The following PDE4DIP variants were observed in gnomAD, a reference collection of about 807,000 sequenced individuals.
PDE4DIP encodes the protein myomegalin.
Under a neutral mutation model 221.4 loss-of-function variants are expected in PDE4DIP, and 59 were observed. The observed-to-expected ratio is 0.27, with a 90% CI of 0.22 to 0.33. The LOEUF is 0.33. Ranked by LOEUF, PDE4DIP falls within the 10% of genes least tolerant of loss-of-function variation. The probability of loss-of-function intolerance (pLI) is 1.00; values close to 1 mark genes in which losing one functional copy is unlikely to be tolerated. For synonymous variants in PDE4DIP, 404 were observed against 815.9 expected, an observed-to-expected ratio of 0.50 and a Z score of 8.60; for missense variants, 1,036 against 2,154.2, an observed-to-expected ratio of 0.48 and a Z score of 10.28.
rs782733465 is a variant in PDE4DIP, at chr1:149,028,611, C to A, written c.6721C>A (p.His2241Asn). The A allele has an allele frequency of 2.5e-6, 4 of 1,609,378 alleles. No individual in the cohort carries two copies. In the South Asian group the frequency reaches 4.4e-5, roughly 18 times the overall value. The stretch of plus-strand genomic sequence containing the variant: ...GCTTCGGAGCAGCACCAGTGCCCTG[C>A]ACCATGCCCTAGAGGAGTCAGCTTC... The change falls in exon 41 of 44, where the codon CAC becomes AAC. Residue 2241 changes from histidine (H) to asparagine (N), a missense_variant. His to Asn is a moderately conservative substitution (Grantham distance 68). Coordinates refer to ENST00000369354, the Ensembl canonical transcript of PDE4DIP.
intron 5 of PDE4DIP, chr1:148,938,307 G>A (rs1317492230): frequency 8.2e-5 from 13 of 157,882 alleles, no homozygotes; most frequent in South Asian, 1.9e-4. Flanking sequence ...ATCCCTTTTC[G>A]TTAACTTAAA....
chr1:149,029,208 A>T (rs2076016677), intron 41 of PDE4DIP, among the ~76,000 whole-genome samples: 1 of 152,154 alleles, frequency 6.6e-6, no homozygotes, highest in African/African-American at 2.4e-5. Flanking sequence ...ACCCCTCAGG[A>T]TCTGCTCAGA....
chr1:149,017,907 C>T (rs1553613587), intron 34 of PDE4DIP, 28 bp downstream of exon 37: 9 of 1,559,472 alleles, frequency 5.8e-6, no homozygotes, highest in Non-Finnish European at 7.0e-6. Context: ...CTTCCTGTTT[C>T]TGGCTCTATT....
At chr1:149,032,398 G>C (rs1291939013) in exon 44 of PDE4DIP, 6 of 468,558 alleles carry the variant, frequency 1.3e-5, no homozygotes, top group Non-Finnish European at 2.4e-5. Flanking sequence ...AGGGGCACGT[G>C]GTCCCAATGC....
At chr1:148,924,305 C>T (rs2046198598) in intron 1 of PDE4DIP, among the ~76,000 whole-genome samples, 1 of 152,092 alleles carries the variant, frequency 6.6e-6, no homozygotes, top group South Asian at 2.1e-4. Context: ...TTTGGGAAAT[C>T]CAGTTAGGCT....
At chr1:149,028,812 G>T (rs1416827841) in intron 41 of PDE4DIP, 109 bp downstream of exon 44, 20 of 664,992 alleles carry the variant, frequency 3.0e-5, no homozygotes, top group Non-Finnish European at 2.9e-5. Context: ...GCCACATAGT[G>T]AGTTGGGATA....
At chr1:148,929,475 G>C in intron 2 of PDE4DIP, 1 of 675,622 alleles carries the variant, frequency 1.5e-6, no homozygotes, top group Non-Finnish European at 2.4e-6. Flanking sequence ...CTTGTCATAA[G>C]TTGGTAAATC....
chr1:148,973,278 A>C (rs1196005156), intron 16 of PDE4DIP, among the ~76,000 whole-genome samples: 3 of 151,880 alleles, frequency 2.0e-5, no homozygotes, highest in South Asian at 2.1e-4. Flanking sequence ...TACAGGCGCC[A>C]GCCACCACAC....
rs1221853104 is a variant in PDE4DIP at position 148,952,499 on chromosome 1, T to G, written c.637-8155T>G. ...CGGGAGAGACAGCTGGGGAGAGACA[T>G]GGCAGGGTCGGAGCGCGGCCTGCGC... On this transcript the variant is annotated intron_variant, in intron 5 of 43. Transcript: ENST00000369354. 2.0e-4 allele frequency: 234 copies of G among 1,153,766 alleles called. No homozygotes were observed. The Middle Eastern group carries it at 3.5e-3, about 17-fold the overall frequency. The allele number at this position is 1,153,766 out of a possible 1,614,324, so 71.5% of individuals were successfully genotyped here.
intron 1 of PDE4DIP, among the ~76,000 whole-genome samples, chr1:148,927,131 G>A (rs1314537696): frequency 6.6e-6 from 1 of 151,112 alleles, no homozygotes; most frequent in Non-Finnish European, 1.5e-5. Context: ...TTAAATTGAA[G>A]TAGATATCTT....
At chr1:148,993,282 C>CT in intron 22 of PDE4DIP, 1 of 70,762 alleles carries the variant, frequency 1.4e-5, no homozygotes, top group Non-Finnish European at 2.6e-5. Context: ...AATGTCTACT[C>CT]TAAGACAGCT....
intron 27 of PDE4DIP, among the ~76,000 whole-genome samples, chr1:149,006,128 G>T (rs1476424390): frequency 6.6e-6 from 1 of 150,534 alleles, no homozygotes; most frequent in Non-Finnish European, 1.5e-5. Flanking sequence ...GCAAGAGTCT[G>T]TCTCGGAAAA....
intron 1 of PDE4DIP, among the ~76,000 whole-genome samples, chr1:148,859,644 G>A (rs1390079508): frequency 2.7e-5 from 4 of 148,292 alleles, no homozygotes; most frequent in South Asian, 4.2e-4. Context: ...GTGGCCTGGC[G>A]AACCACATAT....
chr1:148,901,747 GGC>G lies in PDE4DIP; in HGVS notation c.141+11854_141+11855del, dbSNP rs1295010314. Among the ~76,000 whole-genome samples the G allele has an allele frequency of 1.4e-4, 13 of 91,560 alleles. No homozygotes were observed. In the Admixed American group the frequency reaches 1.6e-3, roughly 11 times the overall value. 60.1% of individuals were successfully genotyped at this position (91,560 alleles called of 152,430 possible). On this transcript the variant is annotated intron_variant, in intron 1 of 43. Transcript: ENST00000369354. Reference sequence around the variant, plus strand: ...AAAGAGGGTCTAGGCACTGGTCAAGGGCCTGAAGTCAGCCAGTTCTTTCAGGT... The same window carrying G: ...AAAGAGGGTCTAGGCACTGGTCAAGGCTGAAGTCAGCCAGTTCTTTCAGGT...
intron 22 of PDE4DIP, among the ~76,000 whole-genome samples, chr1:148,997,508 AC>A (rs1324401858): frequency 6.6e-6 from 1 of 152,186 alleles, no homozygotes; most frequent in Non-Finnish European, 1.5e-5. Context: ...GGATGGCTTC[AC>A]CTCCATCTCC....
intron 14 of PDE4DIP, among the ~76,000 whole-genome samples, chr1:148,971,440 AT>A (rs1232558961): frequency 6.9e-6 from 1 of 144,396 alleles, no homozygotes; most frequent in Non-Finnish European, 1.5e-5. Context: ...TTTAAAAAAA[AT>A]TTTTTCCCAG....
chr1:148,977,855 G>T, intron 17 of PDE4DIP, 82 bp from the exon 21 acceptor site: 1 of 1,560,072 alleles, frequency 6.4e-7, no homozygotes, highest in Non-Finnish European at 8.7e-7. Context: ...TCCATTACTG[G>T]CTGATAGTAA....
chr1:148,929,291 G>C lies in PDE4DIP; in HGVS notation c.218+18G>C, dbSNP rs1553467902. The C allele has an allele frequency of 6.3e-7, 1 of 1,597,906 alleles. No individual in the cohort carries two copies. Among genetic ancestry groups the C allele is most frequent in the Non-Finnish European group, 8.6e-7 (1 of 1,168,984 alleles). ...AAAACATGGTAAGTTGTAATTTTAA[G>C]CTCTGGTCCTTTCCAGAGTCTGTCT... is the stretch of plus-strand genomic sequence containing the variant. On this transcript the variant is annotated intron_variant, in intron 2 of 43. Coordinates refer to ENST00000369354, the Ensembl canonical transcript of PDE4DIP.
chr1:148,866,582 A>T (rs1339022078), intron 2 of PDE4DIP: 2 of 45,912 alleles, frequency 4.4e-5, no homozygotes, highest in Non-Finnish European at 8.3e-5. Flanking sequence ...GGAAGGAAGG[A>T]AGGAAGGAAG....
Sources: gnomAD v4.1 joint callset for allele counts (sites outside exome capture counted in the v4.1 genomes callset) on GRCh38, gnomAD v4.1.1 for gene constraint, MANE v1.5 for transcripts, NCBI Gene and HGNC (gene_info 2026-07-23, HGNC 2026-07-21) for gene names.